The following FSTL5 variants were observed in gnomAD, a reference collection of about 807,000 sequenced individuals.
FSTL5 encodes the protein follistatin-related protein 5.
In FSTL5, 62 loss-of-function variants were observed where a neutral mutation model predicts 89.1. That is an observed-to-expected ratio of 0.70 (90% CI 0.57 to 0.86). FSTL5 has a LOEUF of 0.86. Among genes scored for constraint, FSTL5 ranks in the 40% least tolerant of loss-of-function variants. The pLI is 0.00. For missense variants in FSTL5, 1,057 were observed against 1,001.6 expected (o/e 1.06, Z -0.75); for synonymous variants, 383 against 346.2 (o/e 1.11, Z -1.18).
At chr4:161,652,700 T>G (rs1251805535) in intron 7 of FSTL5, among the ~76,000 whole-genome samples, 2 of 152,080 alleles carry the variant, frequency 1.3e-5, no homozygotes, top group Non-Finnish European at 2.9e-5. Flanking sequence ...GATACAAAAA[T>G]GAAGGGCAGT....
chr4:161,716,147 T>G (rs1738972691), intron 6 of FSTL5, among the ~76,000 whole-genome samples: 1 of 152,102 alleles, frequency 6.6e-6, no homozygotes, highest in Non-Finnish European at 1.5e-5. Flanking sequence ...ATACAGGAAA[T>G]AGACCCTGCC....
At chr4:162,089,656 A>AAAAGAAAG (rs1561012760) in intron 2 of FSTL5, among the ~76,000 whole-genome samples, 2 of 136,422 alleles carry the variant, frequency 1.5e-5, no homozygotes, top group African/African-American at 5.2e-5. Context: ...AAAAAGAAAA[A>AAAAGAAAG]AAAGAAAGAA....
At chr4:161,545,046 A>G (rs1419000894) in intron 8 of FSTL5, among the ~76,000 whole-genome samples, 2 of 152,074 alleles carry the variant, frequency 1.3e-5, no homozygotes, top group Non-Finnish European at 2.9e-5. Flanking sequence ...TTAATTGATA[A>G]CTTTCTGTTT....
At chr4:161,413,838 C>T (rs925684423) in intron 15 of FSTL5, among the ~76,000 whole-genome samples, 1 of 152,116 alleles carries the variant, frequency 6.6e-6, no homozygotes, top group East Asian at 1.9e-4. Flanking sequence ...AACCAAATAC[C>T]TCATGTTCTC....
At chr4:161,430,574 A>G (rs937220494) in intron 15 of FSTL5, among the ~76,000 whole-genome samples, 1 of 152,122 alleles carries the variant, frequency 6.6e-6, no homozygotes, top group African/African-American at 2.4e-5. Context: ...CCCCGTCTCT[A>G]CTAAAAATAC....
At chr4:161,789,716 T>C (rs7668203) in intron 4 of FSTL5, among the ~76,000 whole-genome samples, 39,862 of 152,108 alleles carry the variant, frequency 0.26, 6,339 homozygotes, top group East Asian at 0.54. Flanking sequence ...AATTATTCTT[T>C]ACCACTCTAA....
rs569249365 is a variant in FSTL5, at chr4:161,863,043, A to T, written c.409+57361T>A. Among the ~76,000 whole-genome samples, 10 of 152,290 alleles carry T rather than the reference A, an allele frequency of 6.6e-5. No homozygotes were observed. In the East Asian group the frequency reaches 1.5e-3, roughly 24 times the overall value. The stretch of plus-strand genomic sequence containing the variant: ...TATGGAAAGCCCATTTTTTGCAGAA[A>T]TTTCTACTCATCAGTAACAAAATAG... On this transcript the variant is annotated intron_variant, in intron 4 of 15. Coordinates refer to ENST00000306100, the MANE Select transcript of FSTL5 (RefSeq NM_020116.5).
chr4:162,113,172 A>G (rs1390887974), intron 1 of FSTL5, among the ~76,000 whole-genome samples: 3 of 152,090 alleles, frequency 2.0e-5, no homozygotes, highest in Non-Finnish European at 4.4e-5. Flanking sequence ...TTCCACCTTC[A>G]TGTTTCAAAA....
intron 1 of FSTL5, among the ~76,000 whole-genome samples, chr4:162,125,257 G>A (rs759958577): frequency 1.3e-5 from 2 of 151,828 alleles, no homozygotes; most frequent in Non-Finnish European, 2.9e-5. Flanking sequence ...TCAATTCACT[G>A]ACTTATTTAA....
chr4:161,978,391 T>TA (rs1735724158), intron 3 of FSTL5, among the ~76,000 whole-genome samples: 1 of 152,166 alleles, frequency 6.6e-6, no homozygotes, highest in African/African-American at 2.4e-5. Flanking sequence ...TATTCAGACA[T>TA]AACTTTTTTT....
At chr4:161,990,508 G>A (rs75974128) in intron 3 of FSTL5, among the ~76,000 whole-genome samples, 8,360 of 151,920 alleles carry the variant, frequency 0.055, 264 homozygotes, top group Non-Finnish European at 0.077. Context: ...GTAATACATA[G>A]CTGAAAATAT....
At chr4:161,757,458 T>C (rs28711637) in intron 6 of FSTL5, among the ~76,000 whole-genome samples, 37,423 of 151,662 alleles carry the variant, frequency 0.25, 8,032 homozygotes, top group African/African-American at 0.58. Context: ...CCACCATGAG[T>C]ACACAAAAGA....
rs555700456 is a variant in FSTL5 at position 161,979,190 on chromosome 4, T to G, written c.160+54435A>C. Among the ~76,000 whole-genome samples the G allele has an allele frequency of 2.0e-5, 3 of 152,254 alleles. No individual in the cohort carries two copies. In the South Asian group the frequency reaches 6.2e-4, roughly 32 times the overall value. Reference sequence around the variant, plus strand: ...AATGTCCTAGCCCATATTGGCTTATTCTTTTGGACTCTTTCCTTTCACCAT... The same window carrying G: ...AATGTCCTAGCCCATATTGGCTTATGCTTTTGGACTCTTTCCTTTCACCAT... On this transcript the variant is annotated intron_variant, in intron 3 of 15. Transcript: ENST00000306100.
intron 2 of FSTL5, among the ~76,000 whole-genome samples, chr4:162,039,787 C>T (rs1737877532): frequency 1.3e-5 from 2 of 151,974 alleles, no homozygotes; most frequent in Admixed American, 1.3e-4. Flanking sequence ...TACAAATTAG[C>T]AAAAGATAGA....
intron 6 of FSTL5, among the ~76,000 whole-genome samples, chr4:161,735,614 G>A (rs564368445): frequency 6.6e-6 from 1 of 152,220 alleles, no homozygotes; most frequent in African/African-American, 2.4e-5. Context: ...TTTTAATTAA[G>A]AAAATTTTAC....
At chr4:161,823,147 T>C (rs1406997131) in intron 4 of FSTL5, among the ~76,000 whole-genome samples, 1 of 152,144 alleles carries the variant, frequency 6.6e-6, no homozygotes, top group Non-Finnish European at 1.5e-5. Context: ...CCATAAGTTC[T>C]TACCTTGGAT....
At chr4:161,971,796 A>C (rs1560944632) in intron 3 of FSTL5, among the ~76,000 whole-genome samples, 2 of 152,206 alleles carry the variant, frequency 1.3e-5, no homozygotes, top group Admixed American at 1.3e-4. Context: ...AGTATAAACA[A>C]ATAATGATTT....
At chr4:161,494,140 G>T (rs987762185) in intron 12 of FSTL5, among the ~76,000 whole-genome samples, 1 of 152,180 alleles carries the variant, frequency 6.6e-6, no homozygotes, top group African/African-American at 2.4e-5. Context: ...CCTCTCTTCA[G>T]GAAGCTCTTT....
At chr4:161,619,551 A>C (rs1386752017) in intron 7 of FSTL5, among the ~76,000 whole-genome samples, 1 of 152,248 alleles carries the variant, frequency 6.6e-6, no homozygotes, top group East Asian at 1.9e-4. Flanking sequence ...GACACTTCTC[A>C]AAAGAAGATA....
Sources: gnomAD v4.1 joint callset for allele counts (sites outside exome capture counted in the v4.1 genomes callset) on GRCh38, gnomAD v4.1.1 for gene constraint, MANE v1.5 for transcripts, NCBI Gene and HGNC (gene_info 2026-07-23, HGNC 2026-07-21) for gene names.